The following GBP4 variants were observed in gnomAD, a reference collection of about 807,000 sequenced individuals.
The protein encoded by GBP4 is guanylate binding protein 4, also known as guanylate-binding protein 4.
GBP4 carries 69 observed loss-of-function variants against 62.2 expected under a neutral mutation model. That is an observed-to-expected ratio of 1.11 (90% confidence interval 0.91 to 1.36). The LOEUF (loss-of-function observed/expected upper bound fraction) is 1.36. Ranked by LOEUF, GBP4 falls within the 40% of genes most tolerant of loss-of-function variation. GBP4 has a pLI of 0.00. For missense variants in GBP4, 697 were observed against 759.3 expected, an observed-to-expected ratio of 0.92 and a Z score of 0.96; for synonymous variants, 278 against 274.6, an observed-to-expected ratio of 1.01 and a Z score of -0.12.
At chr1:89,190,571 C>T (rs1427605054) in intron 6 of GBP4, among the ~76,000 whole-genome samples, 1 of 151,902 alleles carries the variant, frequency 6.6e-6, no homozygotes, top group Non-Finnish European at 1.5e-5. Flanking sequence ...CCATTGCAAC[C>T]AATATGTTTT....
rs1290904771 is a variant in GBP4 at position 89,184,146 on chromosome 1, T to C, written c.*1108A>G. On this transcript the variant is annotated 3_prime_UTR_variant, in exon 11 of 11. Transcript: ENST00000355754. ...CATCACTAATCACTACAGAAATGCA[T>C]ACCATCTCACACCAGTCAGAATGGC... The C allele has an allele frequency of 6.6e-6, 1 of 152,176 alleles. No individual in the cohort carries two copies. The highest frequency in any genetic ancestry group is 1.5e-5 in the Non-Finnish European group (1 of 68,018). The allele number at this position is 152,176 out of a possible 1,614,324, so 9.4% of individuals were successfully genotyped here. A position where few individuals can be genotyped will look rare whatever the true frequency, so the allele number is the denominator to read the frequency against.
chr1:89,195,904 T>C (rs1334978879), intron 2 of GBP4, among the ~76,000 whole-genome samples: 1 of 152,198 alleles, frequency 6.6e-6, no homozygotes. Context: ...CATGCAACAA[T>C]ACATTCTACA....
rs374029455 is a variant in GBP4, at chr1:89,196,835, A to G, written c.235+275T>C. Among the ~76,000 whole-genome samples the G allele has an allele frequency of 3.7e-4, 56 of 152,348 alleles. 6 individuals carry two copies. The highest frequency in any genetic ancestry group is 9.1e-4 in the Admixed American group (14 of 15,308). ...CACAAAAGTGATGAATGAGAAAGAA[A>G]GGGAATAATTGCTGGGGCTGAGCCC... is the stretch of plus-strand genomic sequence containing the variant. On this transcript the variant is annotated intron_variant, in intron 2 of 10. Transcript: ENST00000355754.
At position 89,191,276 on chromosome 1, in the gene GBP4, T is replaced by C; in HGVS notation, c.901A>G (p.Ile301Val). The C allele has an allele frequency of 6.2e-7, 1 of 1,612,400 alleles. No individual in the cohort carries two copies. The highest frequency in any genetic ancestry group is 2.2e-5 in the East Asian group (1 of 44,834). ...AAAGACTCACGCTTTCCAGTGACAA[T>C]GATTCCCTCTCTCAGGGTCTTGGTC... is the stretch of plus-strand genomic sequence containing the variant. ...AKTKTLREGI[I>V]VTGKRLGTLV... Residue 301 changes from isoleucine (I) to valine (V), a missense_variant, in exon 6 of 11, where the codon ATT (isoleucine) becomes GTT (valine). Transcript: ENST00000355754.
intron 8 of GBP4, among the ~76,000 whole-genome samples, chr1:89,187,833 T>C (rs1186504933): frequency 6.6e-6 from 1 of 152,170 alleles, no homozygotes; most frequent in Non-Finnish European, 1.5e-5. Flanking sequence ...AGTCAAAAGA[T>C]AGCAAGTGTT....
chr1:89,184,186 CAATA>C lies in GBP4; in HGVS notation c.*1064_*1067del, dbSNP rs775305427. The C allele has an allele frequency of 1.3e-5, 2 of 152,164 alleles. No individual in the cohort carries two copies. The highest frequency in any genetic ancestry group is 6.6e-5 in the Admixed American group (1 of 15,266). The allele number at this position is 152,164 out of a possible 1,614,324, so 9.4% of individuals were successfully genotyped here. A position where few individuals can be genotyped will look rare whatever the true frequency, so the allele number is the denominator to read the frequency against. Reference sequence around the variant, plus strand: ...GTCAGAATGGCTGTTACTAGAAAGTCAATAAATAACAGATGCTGGCAAGGTTGTG... The same window carrying C: ...GTCAGAATGGCTGTTACTAGAAAGTCAATAACAGATGCTGGCAAGGTTGTG... On this transcript the variant is annotated 3_prime_UTR_variant, in exon 11 of 11. Coordinates refer to ENST00000355754, the MANE Select transcript of GBP4 (RefSeq NM_052941.5).
rs188427407 is a variant in GBP4 at position 89,196,581 on chromosome 1, T to C, written c.235+529A>G. ...TTAACTTCACTGTAAAGGTATGTTG[T>C]ACATACTCTTCTTTATGTGTCATAG... On this transcript the variant is annotated intron_variant, in intron 2 of 10. Transcript: ENST00000355754. Among the ~76,000 whole-genome samples the C allele has an allele frequency of 6.6e-5, 10 of 152,352 alleles. No homozygotes were observed. In the East Asian group the frequency reaches 1.7e-3, roughly 26 times the overall value.
rs374179728 is a variant in GBP4 at position 89,190,167 on chromosome 1, T to C, written c.1068A>G (p.Gln356=). The C allele has an allele frequency of 1.5e-4, 247 of 1,614,062 alleles. No homozygotes were observed. The highest frequency in any genetic ancestry group is 1.6e-4 in the Middle Eastern group (1 of 6,084). ...ADHYSQQMAQ[Q]LRLPTDTLQE... Reference sequence around the variant, plus strand: ...GGAGCGTGTCTGTGGGGAGCCTCAGTTGCTGGGCCATCTGCTGGCTATAGT... The same window carrying C: ...GGAGCGTGTCTGTGGGGAGCCTCAGCTGCTGGGCCATCTGCTGGCTATAGT... Residue 356 remains glutamine, a synonymous_variant, in exon 7 of 11, where the codon CAA becomes CAG. Coordinates refer to ENST00000355754, the MANE Select transcript of GBP4 (RefSeq NM_052941.5).
intron 5 of GBP4, among the ~76,000 whole-genome samples, chr1:89,192,367 A>G (rs1318199991): frequency 1.3e-5 from 2 of 148,850 alleles, no homozygotes; most frequent in African/African-American, 2.6e-5. Flanking sequence ...TCTTACTGGA[A>G]GCATATGTGT....
chr1:89,193,808 T>C (rs984717597), intron 3 of GBP4, among the ~76,000 whole-genome samples: 1 of 152,226 alleles, frequency 6.6e-6, no homozygotes, highest in African/African-American at 2.4e-5. Flanking sequence ...CATTTGGTTT[T>C]GTGGATATAA....
In GBP4 at chr1:89,193,409, T is replaced by TACTCTAGAAAGCATATAAAGCAA. The variant is rs1553128538; in HGVS notation, c.364-20_366dup (p.Asn123LeufsTer23). The TACTCTAGAAAGCATATAAAGCAA allele has an allele frequency of 1.2e-6, 2 of 1,612,950 alleles. No individual in the cohort carries two copies. Among genetic ancestry groups the TACTCTAGAAAGCATATAAAGCAA allele is most frequent in the Non-Finnish European group, 1.7e-6 (2 of 1,178,896 alleles). On this transcript the variant is annotated frameshift_variant, in exon 4 of 11. Coordinates refer to ENST00000355754, the MANE Select transcript of GBP4 (RefSeq NM_052941.5). LOFTEE classifies it high-confidence loss of function. ...AAGATCCACGAGTCATTCTTAGGGTTACTCTAGAAAGCATATAAAGCAAAA... is the reference window on the plus strand; with the variant it reads ...AAGATCCACGAGTCATTCTTAGGGTTACTCTAGAAAGCATATAAAGCAAACTCTAGAAAGCATATAAAGCAAAA...
At position 89,185,284 on chromosome 1, in the gene GBP4, T is replaced by TA. The variant is rs753602604; in HGVS notation, c.1892dup (p.Gly632ArgfsTer13). ...TACGTGAGCCAAGATATTTTGTCCC[T>TA]ACTCCAAGTAGCTTGGAAGCCCCAG... On this transcript the variant is annotated frameshift_variant, in exon 11 of 11. Coordinates refer to ENST00000355754, the MANE Select transcript of GBP4 (RefSeq NM_052941.5). LOFTEE classifies it low-confidence loss of function (END_TRUNC). The TA allele has an allele frequency of 2.5e-6, 4 of 1,612,224 alleles. No individual in the cohort carries two copies. Among genetic ancestry groups the TA allele is most frequent in the Non-Finnish European group, 3.4e-6 (4 of 1,178,452 alleles).
intron 10 of GBP4, 120 bp from the exon 11 acceptor site, chr1:89,185,589 C>T (rs1035148325): frequency 5.6e-5 from 35 of 619,788 alleles, no homozygotes; most frequent in East Asian, 4.2e-4. Flanking sequence ...TCTTAGAAAA[C>T]GCTTTGATGA....
At chr1:89,187,389 G>C (rs947941358) in intron 8 of GBP4, among the ~76,000 whole-genome samples, 1 of 151,982 alleles carries the variant, frequency 6.6e-6, no homozygotes, top group African/African-American at 2.4e-5. Context: ...CAGACAACCC[G>C]ACAACATAAA....
chr1:89,194,273 G>A (rs1231092993), intron 3 of GBP4, among the ~76,000 whole-genome samples: 1 of 152,116 alleles, frequency 6.6e-6, no homozygotes, highest in African/African-American at 2.4e-5. Context: ...ACATGAAAGG[G>A]TTTTTAAAAA....
chr1:89,198,728 TG>T (rs1648414553), intron 1 of GBP4, 66 bp downstream of exon 1: 1 of 1,374,602 alleles, frequency 7.3e-7, no homozygotes, highest in East Asian at 2.3e-5. Flanking sequence ...AGTCTGCGCT[TG>T]GGAATTTGTT....
At chr1:89,193,259 C>T (rs1280299491) in intron 4 of GBP4, 44 bp downstream of exon 4, 17 of 1,584,842 alleles carry the variant, frequency 1.1e-5, no homozygotes, top group Middle Eastern at 1.9e-4. Flanking sequence ...ATTCCCATTC[C>T]CCTAAACCCC....
intron 2 of GBP4, 76 bp downstream of exon 2, chr1:89,197,034 G>A (rs879155936): frequency 8.2e-7 from 1 of 1,213,132 alleles, no homozygotes; most frequent in Admixed American, 2.6e-5. Context: ...TCTTTAGGAT[G>A]ACCCTAGAGG....
Position 89,197,254 on chromosome 1 carries a change from T to A in GBP4, c.91A>T (p.Asn31Tyr). Residue 31 changes from asparagine (N) to tyrosine (Y), a missense_variant, in exon 2 of 11, where the codon AAC becomes TAC. Around this residue, in one of 2 missense-constraint regions of GBP4, gnomAD observed 556 missense variants for 562.7 expected, o/e 0.99. Coordinates refer to ENST00000355754, the MANE Select transcript of GBP4 (RefSeq NM_052941.5). ...IMMAPICLVE[N>Y]QEEQLTVNSK... Reference sequence around the variant, plus strand: ...TTCACTGTCAGCTGCTCTTCCTGGTTTTCCACTAGACAAATGGGGGCCATC... The same window carrying A: ...TTCACTGTCAGCTGCTCTTCCTGGTATTCCACTAGACAAATGGGGGCCATC... The A allele has an allele frequency of 6.2e-7, 1 of 1,614,144 alleles. No individual in the cohort carries two copies.
Sources: allele counts gnomAD v4.1 joint callset (sites outside exome capture counted in the v4.1 genomes callset), GRCh38; gene constraint gnomAD v4.1.1; regional missense constraint gnomAD v4.1.1; transcripts MANE v1.5; gene names NCBI Gene and HGNC (gene_info 2026-07-23, HGNC 2026-07-21).